TOM1L2: variants seen among roughly 807,000 people sequenced by gnomAD.
The protein encoded by TOM1L2 is target of myb1 like 2 membrane trafficking protein, also known as TOM1-like protein 2.
TOM1L2 carries 31 observed loss-of-function variants against 67.9 expected under a neutral mutation model. That is an observed-to-expected ratio of 0.46 (90% CI 0.34 to 0.62). TOM1L2 has a LOEUF of 0.62. Among genes scored for constraint, TOM1L2 ranks in the 20% least tolerant of loss-of-function variants. TOM1L2 has a pLI of 0.01. For missense variants in TOM1L2, 606 were observed against 663.5 expected, an observed-to-expected ratio of 0.91 and a Z score of 0.95; for synonymous variants, 256 against 254.0, an observed-to-expected ratio of 1.01 and a Z score of -0.07.
At chr17:17,921,070 C>A (rs1332968947) in intron 1 of TOM1L2, among the ~76,000 whole-genome samples, 1 of 152,188 alleles carries the variant, frequency 6.6e-6, no homozygotes, top group Admixed American at 6.5e-5. Flanking sequence ...GCTCATGATC[C>A]GATCCAGAAT....
intron 1 of TOM1L2, among the ~76,000 whole-genome samples, chr17:17,918,416 T>C (rs570119776): frequency 6.6e-6 from 1 of 152,190 alleles, no homozygotes; most frequent in South Asian, 2.1e-4. Flanking sequence ...TGAATAGAAG[T>C]GGTGAAAGGC....
At chr17:17,926,104 G>A (rs1358430623) in intron 1 of TOM1L2, among the ~76,000 whole-genome samples, 1 of 151,370 alleles carries the variant, frequency 6.6e-6, no homozygotes, top group Non-Finnish European at 1.5e-5. Context: ...ACAGGATGTC[G>A]AGGCCGCAGT....
At chr17:17,920,020 G>A (rs1224596157) in intron 1 of TOM1L2, among the ~76,000 whole-genome samples, 1 of 152,090 alleles carries the variant, frequency 6.6e-6, no homozygotes, top group African/African-American at 2.4e-5. Flanking sequence ...TCCATCCTCA[G>A]GTAGAGGGTC....
intron 10 of TOM1L2, chr17:17,863,254 CTAGATCTTGAG>C (rs1465704916): frequency 5.4e-6 from 1 of 183,756 alleles, no homozygotes; most frequent in Admixed American, 5.8e-5. Flanking sequence ...ATGTTCAGAG[CTAGATCTTGAG>C]TAGACCAAAT....
intron 1 of TOM1L2, among the ~76,000 whole-genome samples, chr17:17,908,814 T>C (rs144564501): frequency 1.1e-4 from 17 of 152,224 alleles, no homozygotes; most frequent in African/African-American, 4.1e-4. Context: ...TATAGACAAA[T>C]TGGAACCCCT....
intron 1 of TOM1L2, among the ~76,000 whole-genome samples, chr17:17,964,712 C>T (rs2041815051): frequency 6.6e-6 from 1 of 152,094 alleles, no homozygotes; most frequent in Non-Finnish European, 1.5e-5. Context: ...TACGATCCTG[C>T]CACTGCATTC....
chr17:17,893,879 C>A, intron 3 of TOM1L2, 69 bp from the exon 4 acceptor site: 1 of 1,509,822 alleles, frequency 6.6e-7, no homozygotes, highest in Non-Finnish European at 9.0e-7. Flanking sequence ...AACTGAGGAG[C>A]GCAGCTGAGT....
At chr17:17,882,935 C>T (rs1404219673) in intron 5 of TOM1L2, 72 bp from the exon 6 acceptor site, 1 of 1,572,574 alleles carries the variant, frequency 6.4e-7, no homozygotes, top group African/African-American at 1.3e-5. Context: ...CCTACCCCAC[C>T]CCATGCAGCA....
intron 8 of TOM1L2, 53 bp from the exon 9 acceptor site, chr17:17,866,977 C>G: frequency 6.4e-7 from 1 of 1,561,894 alleles, no homozygotes; most frequent in Non-Finnish European, 8.8e-7. Context: ...TGTGATATGG[C>G]CCTGTGGGGT....
rs2036848014 is a variant in TOM1L2 at position 17,866,331 on chromosome 17, G to A, written c.1049C>T (p.Pro350Leu). Residue 350 changes from proline to leucine, a missense_variant, in exon 10 of 15, where the codon CCC (proline) becomes CTC (leucine). Transcript: ENST00000379504. ...AAGCTGGGAGGAGAGGGAAGATGGG[G>A]GCGCTGTGTTCCCCACCATTGGGCT... ...VVSPMVGNTA[P>L]PSSLSSQLAG... is the part of the protein sequence containing the mutation. The A allele has an allele frequency of 6.2e-7, 1 of 1,612,572 alleles. No homozygotes were observed.
At chr17:17,885,848 C>T (rs1326339325) in intron 4 of TOM1L2, among the ~76,000 whole-genome samples, 2 of 147,896 alleles carry the variant, frequency 1.4e-5, no homozygotes, top group Non-Finnish European at 3.0e-5. Context: ...TGGTGTGAAT[C>T]CGGGAGGCAG....
At chr17:17,937,592 C>T (rs1425075543) in intron 1 of TOM1L2, among the ~76,000 whole-genome samples, 1 of 152,212 alleles carries the variant, frequency 6.6e-6, no homozygotes, top group African/African-American at 2.4e-5. Flanking sequence ...GTCATGCAGG[C>T]TTTGCGTCAC....
chr17:17,874,106 C>A (rs986984182), intron 7 of TOM1L2, among the ~76,000 whole-genome samples: 1 of 151,602 alleles, frequency 6.6e-6, no homozygotes. Flanking sequence ...CAGGTGCCTG[C>A]CACCAAGCCC....
intron 1 of TOM1L2, among the ~76,000 whole-genome samples, chr17:17,961,488 T>C (rs73303813): frequency 0.012 from 1,850 of 152,124 alleles, 52 homozygotes; most frequent in African/African-American, 0.043. Context: ...GGCAGGAGGA[T>C]TGCTCGAGTT....
chr17:17,875,414 CT>C (rs2037375468), intron 7 of TOM1L2, among the ~76,000 whole-genome samples: 2 of 152,298 alleles, frequency 1.3e-5, no homozygotes, highest in African/African-American at 4.8e-5. Flanking sequence ...ACTTGGGAGA[CT>C]TTCCTCTGCT....
intron 1 of TOM1L2, among the ~76,000 whole-genome samples, chr17:17,910,462 G>A (rs545135827): frequency 1.4e-4 from 22 of 152,188 alleles, no homozygotes; most frequent in Non-Finnish European, 2.6e-4. Flanking sequence ...GGCTGTACAC[G>A]AGAACCACCT....
At chr17:17,955,560 T>C (rs1235135934) in intron 1 of TOM1L2, among the ~76,000 whole-genome samples, 2 of 152,056 alleles carry the variant, frequency 1.3e-5, no homozygotes, top group African/African-American at 4.8e-5. Flanking sequence ...AGGACAGTCT[T>C]GATCTCCTGA....
At chr17:17,890,349 G>T (rs940969046) in intron 4 of TOM1L2, among the ~76,000 whole-genome samples, 1 of 152,070 alleles carries the variant, frequency 6.6e-6, no homozygotes, top group Non-Finnish European at 1.5e-5. Context: ...GGATACATAT[G>T]AAATTGCTAA....
Position 17,879,698 on chromosome 17 carries a change from T to C in TOM1L2, c.706A>G (p.Lys236Glu), listed in dbSNP as rs777024931. ...SELDVVRGNT[K>E]VMSEMLTEMV... ...TCTGTTAACATCTCAGACATGACTT[T>C]TGTGTTTCCTCGAACGACGTCCAGT... The change falls in exon 7 of 15, where the codon AAA becomes GAA. Residue 236 changes from lysine to glutamate, a missense_variant. Coordinates refer to ENST00000379504, the MANE Select transcript of TOM1L2 (RefSeq NM_001082968.2). 5.0e-6 allele frequency: 8 copies of C among 1,614,086 alleles called. No homozygotes were observed. In the African/African-American group the frequency reaches 1.1e-4, roughly 22 times the overall value.
Sources: allele counts gnomAD v4.1 joint callset (sites outside exome capture counted in the v4.1 genomes callset), GRCh38; gene constraint gnomAD v4.1.1; transcripts MANE v1.5; gene names NCBI Gene and HGNC (gene_info 2026-07-23, HGNC 2026-07-21).